Variants in HHLA2 observed in about 807,000 individuals in gnomAD.
HHLA2 encodes HERV-H LTR-associating protein 2.
Under a neutral mutation model 45.9 loss-of-function variants are expected in HHLA2, and 48 were observed. The ratio of observed to expected loss-of-function variants is 1.05; its 90% CI spans 0.83 to 1.33. HHLA2 has a LOEUF of 1.33. Among genes scored for constraint, HHLA2 ranks in the 40% most tolerant of loss-of-function variants. The pLI is 0.00. For missense variants in HHLA2, 462 were observed against 494.3 expected (o/e 0.93, Z 0.62); for synonymous variants, 161 against 173.9 (o/e 0.93, Z 0.59).
intron 3 of HHLA2, among the ~76,000 whole-genome samples, chr3:108,331,737 A>T (rs1455927896): frequency 6.6e-6 from 1 of 152,162 alleles, no homozygotes; most frequent in Non-Finnish European, 1.5e-5. Flanking sequence ...TTGATTGAAG[A>T]TCTAATCAAA....
intron 3 of HHLA2, among the ~76,000 whole-genome samples, chr3:108,329,795 A>G (rs1488435454): frequency 6.6e-6 from 1 of 152,158 alleles, no homozygotes; most frequent in African/African-American, 2.4e-5. Context: ...CTCTTCCTAG[A>G]TTAGTCAGCC....
At chr3:108,311,896 G>A (rs1298186036) in intron 2 of HHLA2, 4 of 152,252 alleles carry the variant, frequency 2.6e-5, no homozygotes, top group Admixed American at 1.3e-4. Context: ...CGGTGTGTCA[G>A]TGTCTGCTTA....
At chr3:108,331,457 A>G (rs1220322681) in intron 3 of HHLA2, among the ~76,000 whole-genome samples, 1 of 152,180 alleles carries the variant, frequency 6.6e-6, no homozygotes, top group Non-Finnish European at 1.5e-5. Flanking sequence ...AGTAAGTCAC[A>G]GTAATCATGA....
At chr3:108,323,165 G>A (rs1007145042) in intron 2 of HHLA2, among the ~76,000 whole-genome samples, 2 of 151,902 alleles carry the variant, frequency 1.3e-5, no homozygotes, top group African/African-American at 4.8e-5. Flanking sequence ...GTGAGGTGGG[G>A]ATGGTTAATG....
intron 4 of HHLA2, 133 bp downstream of exon 3, chr3:108,352,010 CAAGGAACAGGCTGG>C (rs2081787361): frequency 3.3e-6 from 2 of 605,944 alleles, no homozygotes; most frequent in East Asian, 5.8e-5. Context: ...TAATCAGAAG[CAAGGAACAGGCTGG>C]AAGTCTGCAT....
chr3:108,309,866 A>G (rs2107307645), intron 1 of HHLA2, among the ~76,000 whole-genome samples: 1 of 152,180 alleles, frequency 6.6e-6, no homozygotes, highest in Admixed American at 6.5e-5. Flanking sequence ...TAAGCTGCCC[A>G]CCTCTTGGAG....
rs183262870 is a variant in HHLA2, at chr3:108,322,201, C to T, written c.-104-6069C>T. On this transcript the variant is annotated intron_variant, in intron 2 of 10. Transcript: ENST00000619531. Reference sequence around the variant, plus strand: ...AGGCTCTAAGAGCTCGGACTGTGGGCCATGCCTCTCAGGCGGAAGTCACTG... The same window carrying T: ...AGGCTCTAAGAGCTCGGACTGTGGGTCATGCCTCTCAGGCGGAAGTCACTG... Among the ~76,000 whole-genome samples, 9 of 152,284 alleles carry T rather than the reference C, an allele frequency of 5.9e-5. No homozygotes were observed. The East Asian group carries it at 1.7e-3, about 29-fold the overall frequency.
chr3:108,340,956 CTTTCTTTT>C (rs2081561747), intron 3 of HHLA2, among the ~76,000 whole-genome samples: 1 of 54,580 alleles, frequency 1.8e-5, no homozygotes, highest in Non-Finnish European at 4.0e-5. Flanking sequence ...TCCTTTCTTT[CTTTCTTTT>C]CTTTCTTTCA....
At chr3:108,318,432 T>C (rs937404482) in intron 2 of HHLA2, among the ~76,000 whole-genome samples, 1 of 152,204 alleles carries the variant, frequency 6.6e-6, no homozygotes, top group Non-Finnish European at 1.5e-5. Context: ...AGTGCATCCA[T>C]CCATGGGTTA....
exon 10 of HHLA2, chr3:108,376,553 A>G (rs1383035617): frequency 6.2e-7 from 1 of 1,612,164 alleles, no homozygotes; most frequent in East Asian, 2.2e-5. Flanking sequence ...GGCGAAGAAA[A>G]TGTGGTAAGG....
intron 1 of HHLA2, among the ~76,000 whole-genome samples, chr3:108,308,104 T>C (rs553933269): frequency 2.0e-5 from 3 of 152,330 alleles, no homozygotes; most frequent in South Asian, 2.1e-4. Flanking sequence ...ATAGGTCTTA[T>C]TGATTCTTTC....
chr3:108,320,663 G>A (rs923313056), intron 2 of HHLA2, among the ~76,000 whole-genome samples: 2 of 152,040 alleles, frequency 1.3e-5, no homozygotes, highest in Non-Finnish European at 2.9e-5. Flanking sequence ...TTTTAAATGT[G>A]GGCGGCAAAT....
In HHLA2 at chr3:108,332,549, T is replaced by C. The variant is rs545327181; in HGVS notation, c.-27+4202T>C. On this transcript the variant is annotated intron_variant, in intron 3 of 10. Coordinates refer to ENST00000619531, the Ensembl canonical transcript of HHLA2. Reference sequence around the variant, plus strand: ...TTATAACAGAGTCCTAACAGTAGAGTTGCTGAGACAAAGCTTACAATAGAC... The same window carrying C: ...TTATAACAGAGTCCTAACAGTAGAGCTGCTGAGACAAAGCTTACAATAGAC... 3.9e-5 allele frequency among the ~76,000 whole-genome samples: 6 copies of C among 152,228 alleles called. No homozygotes were observed. The South Asian group carries it at 1.2e-3, about 32-fold the overall frequency.
intron 1 of HHLA2, among the ~76,000 whole-genome samples, chr3:108,298,035 C>T (rs539421187): frequency 6.6e-6 from 1 of 152,290 alleles, no homozygotes; most frequent in East Asian, 1.9e-4. Context: ...GTCTGTCTAA[C>T]TGACTTCTGA....
rs185306365 is a variant in HHLA2 at position 108,370,721 on chromosome 3, G to A, written c.1109-5029G>A. Among the ~76,000 whole-genome samples the A allele has an allele frequency of 2.7e-3, 417 of 152,272 alleles. 3 individuals carry two copies. The highest frequency in any genetic ancestry group is 9.6e-3 in the African/African-American group (399 of 41,546). ...CTGATTCGATCAACTGGAAGAAAGG[G>A]TATCAGTGATGGAAGATGACATGAA... On this transcript the variant is annotated intron_variant, in intron 8 of 10. Transcript: ENST00000619531.
At chr3:108,360,762 G>C (rs1021289668) in intron 7 of HHLA2, among the ~76,000 whole-genome samples, 1 of 152,136 alleles carries the variant, frequency 6.6e-6, no homozygotes, top group African/African-American at 2.4e-5. Flanking sequence ...TTTTCCATTT[G>C]GTTATGTTTG....
At chr3:108,353,704 G>A (rs763792651) in exon 5 of HHLA2, 23 of 1,613,620 alleles carry the variant, frequency 1.4e-5, no homozygotes, top group Non-Finnish European at 1.9e-5. Context: ...TAAGCCTTCT[G>A]GACGAAGGAA....
chr3:108,359,976 G>A (rs2081960535), intron 7 of HHLA2, among the ~76,000 whole-genome samples: 1 of 152,180 alleles, frequency 6.6e-6, no homozygotes, highest in African/African-American at 2.4e-5. Context: ...TCTTCCAGCA[G>A]AGCTTGCTTT....
chr3:108,298,814 G>A (rs533370554), intron 1 of HHLA2, among the ~76,000 whole-genome samples: 6 of 152,232 alleles, frequency 3.9e-5, no homozygotes, highest in African/African-American at 1.4e-4. Context: ...GTCTGTCATT[G>A]CACATTGCTG....
Sources: gnomAD v4.1 joint callset for allele counts (sites outside exome capture counted in the v4.1 genomes callset) on GRCh38, gnomAD v4.1.1 for gene constraint, MANE v1.5 for transcripts, NCBI Gene and HGNC (gene_info 2026-07-23, HGNC 2026-07-21) for gene names.